Variants in MYH15 observed in about 807,000 individuals in gnomAD.
MYH15 encodes the protein myosin-15.
In MYH15, 227 loss-of-function variants were observed where a neutral mutation model predicts 240.5. That is an observed-to-expected ratio of 0.94 (90% CI 0.85 to 1.05). The LOEUF is 1.05. Among genes scored for constraint, MYH15 ranks in the 50% least tolerant of loss-of-function variants. The pLI, the probability that MYH15 is intolerant of heterozygous loss-of-function variation, is 0.00. For missense variants in MYH15, 2,217 were observed against 2,247.5 expected (o/e 0.99, Z 0.27); for synonymous variants, 785 against 796.7 (o/e 0.99, Z 0.25).
intron 38 of MYH15, among the ~76,000 whole-genome samples, chr3:108,386,815 T>C (rs970506705): frequency 6.6e-6 from 1 of 152,052 alleles, no homozygotes; most frequent in African/African-American, 2.4e-5. Context: ...TGATACTACA[T>C]TCTTGACTAG....
At chr3:108,533,990 A>AT (rs200809495), upstream of MYH15, among the ~76,000 whole-genome samples, 1 of 152,222 alleles carries the variant, frequency 6.6e-6, no homozygotes, top group Non-Finnish European at 1.5e-5. Flanking sequence ...TACCATAAGC[A>AT]TTTTTTAAAA....
chr3:108,530,443 G>C (rs1007723031), upstream of MYH15, among the ~76,000 whole-genome samples: 3 of 152,210 alleles, frequency 2.0e-5, no homozygotes, highest in African/African-American at 7.2e-5. Context: ...AAGAGGGAGA[G>C]ATAAATAGGT....
At chr3:108,411,038 G>T in intron 30 of MYH15, 106 bp from the exon 31 acceptor site, 1 of 924,136 alleles carries the variant, frequency 1.1e-6, no homozygotes, top group Non-Finnish European at 1.6e-6. Flanking sequence ...GTAAGATGGC[G>T]CCTCTGCAGT....
intron 31 of MYH15, 89 bp from the exon 32 acceptor site, chr3:108,408,493 T>A (rs1224225455): frequency 3.0e-6 from 4 of 1,347,948 alleles, no homozygotes; most frequent in Non-Finnish European, 4.0e-6. Flanking sequence ...TCCAGCCCAC[T>A]GGAACAGTGA....
At chr3:108,410,239 G>T (rs1488013168) in intron 31 of MYH15, among the ~76,000 whole-genome samples, 2 of 151,884 alleles carry the variant, frequency 1.3e-5, no homozygotes, top group African/African-American at 4.8e-5. Context: ...ATTCATATAT[G>T]AAAAAAAGGT....
intron 7 of MYH15, 109 bp downstream of exon 7, chr3:108,495,671 G>A: frequency 1.6e-6 from 1 of 630,490 alleles, no homozygotes. Context: ...TTTAATCAAA[G>A]ACCTTCTTTG....
chr3:108,429,798 G>A lies in MYH15; in HGVS notation c.3313-917C>T, dbSNP rs887972487. 8.5e-5 allele frequency among the ~76,000 whole-genome samples: 13 copies of A among 152,198 alleles called. 1 individual carries two copies. The highest frequency in any genetic ancestry group is 7.2e-4 in the Admixed American group (11 of 15,276). On this transcript the variant is annotated intron_variant, in intron 26 of 40. Transcript: ENST00000693548. ...GTAGTCTATCAGTTCTATAGATGAG[G>A]TATGACAGAAAAGGTGCTTAAAGAA...
chr3:108,449,164 T>C (rs13085796), intron 21 of MYH15, among the ~76,000 whole-genome samples: 12,122 of 151,978 alleles, frequency 0.08, 536 homozygotes, highest in Middle Eastern at 0.1. Context: ...TGGTTAAAAG[T>C]CCATAGTCCC....
intron 27 of MYH15, among the ~76,000 whole-genome samples, chr3:108,427,617 A>AGAG (rs1553766056): frequency 8.1e-6 from 1 of 122,858 alleles, no homozygotes; most frequent in Non-Finnish European, 1.7e-5. Context: ...ACACACACAC[A>AGAG]ACACACACAC....
intron 25 of MYH15, among the ~76,000 whole-genome samples, chr3:108,436,629 C>A (rs1017535738): frequency 3.3e-5 from 5 of 152,172 alleles, no homozygotes; most frequent in African/African-American, 9.7e-5. Context: ...ACCTCCGACT[C>A]CTGGGTTCAA....
chr3:108,398,221 A>G (rs1355429008), intron 35 of MYH15, among the ~76,000 whole-genome samples: 1 of 152,184 alleles, frequency 6.6e-6, no homozygotes, highest in African/African-American at 2.4e-5. Flanking sequence ...TGCTGTGAAG[A>G]CACAGGAAGA....
chr3:108,445,940 GA>G (rs1357555610), intron 21 of MYH15, among the ~76,000 whole-genome samples: 5 of 151,688 alleles, frequency 3.3e-5, no homozygotes, highest in Admixed American at 6.6e-5. Context: ...AAATACTGGG[GA>G]AAAAAAACTA....
intron 30 of MYH15, among the ~76,000 whole-genome samples, chr3:108,413,460 G>A (rs1459259036): frequency 6.6e-6 from 1 of 152,162 alleles, no homozygotes; most frequent in Non-Finnish European, 1.5e-5. Context: ...GATCTTCCCT[G>A]GATTTTTGCC....
chr3:108,515,350 G>A (rs902718867), upstream of MYH15, among the ~76,000 whole-genome samples: 1 of 152,182 alleles, frequency 6.6e-6, no homozygotes, highest in South Asian at 2.1e-4. Flanking sequence ...TCCATAGAGA[G>A]GGAGTCACAG....
Position 108,444,679 on chromosome 3 carries a change from G to A in MYH15, c.2616C>T (p.Leu872=). The change falls in exon 22 of 41, where the codon CTC becomes CTT. Residue 872 remains leucine, a synonymous_variant. Transcript: ENST00000693548. ...GAATCAGGTCATTTTTTTCCTGAGT[G>A]AGGGATACTTGCTTTGCTTTCAGTT... ...REELKAKQVS[L]TQEKNDLILQ... 5 of 1,613,926 alleles carry A rather than the reference G, an allele frequency of 3.1e-6. No individual in the cohort carries two copies. The highest frequency in any genetic ancestry group is 4.2e-6 in the Non-Finnish European group (5 of 1,179,918).
chr3:108,527,147 T>C (rs2083679108), intron 1 of MYH15, among the ~76,000 whole-genome samples: 1 of 152,128 alleles, frequency 6.6e-6, no homozygotes, highest in Non-Finnish European at 1.5e-5. Flanking sequence ...AAGTTGCATT[T>C]GAACAAGCTC....
chr3:108,464,774 A>C lies in MYH15; in HGVS notation c.1595T>G (p.Phe532Cys), dbSNP rs1176944388. The part of the protein sequence containing the change: ...ILSILEEECM[F>C]PKATDLTFKT... The stretch of plus-strand genomic sequence containing the variant: ...GAAAGTCAGGTCTGTAGCCTTAGGA[A>C]ACATACACTCTTCTTCAAGGATGGA... Residue 532 changes from phenylalanine (F) to cysteine (C), a missense_variant, in exon 15 of 41, where the codon TTT (phenylalanine) becomes TGT (cysteine). Physicochemically the swap from Phe to Cys is radical, Grantham distance 205 (BLOSUM62 -2). Transcript: ENST00000693548. 7.4e-6 allele frequency: 12 copies of C among 1,613,226 alleles called. No individual in the cohort carries two copies. The highest frequency in any genetic ancestry group is 2.2e-5 in the East Asian group (1 of 44,856).
intron 28 of MYH15, among the ~76,000 whole-genome samples, chr3:108,418,496 G>T (rs1241686855): frequency 6.6e-6 from 1 of 152,104 alleles, no homozygotes; most frequent in African/African-American, 2.4e-5. Context: ...AATACAAATG[G>T]CAAAATAATT....
upstream of MYH15, among the ~76,000 whole-genome samples, chr3:108,512,402 G>A (rs1352656126): frequency 6.6e-6 from 1 of 152,192 alleles, no homozygotes; most frequent in South Asian, 2.1e-4. Context: ...AGGAAAAGCT[G>A]TAGTCAGGGA....
Sources: gnomAD v4.1 joint callset for allele counts (sites outside exome capture counted in the v4.1 genomes callset) on GRCh38, gnomAD v4.1.1 for gene constraint, MANE v1.5 for transcripts, NCBI Gene and HGNC (gene_info 2026-07-23, HGNC 2026-07-21) for gene names.